ZNF423: variants seen among roughly 807,000 people sequenced by gnomAD.
The protein encoded by ZNF423 is Ebf-associated zinc finger protein.
A neutral mutation model predicts 95.8 loss-of-function variants in ZNF423; 12 were observed. That is an observed-to-expected ratio of 0.13 (90% CI 0.08 to 0.20). ZNF423 has a LOEUF of 0.20. Among genes scored for constraint, ZNF423 ranks in the 10% least tolerant of loss-of-function variants. The probability of loss-of-function intolerance (pLI) is 1.00; values close to 1 mark genes in which losing one functional copy is unlikely to be tolerated. For synonymous variants in ZNF423, 749 were observed against 711.9 expected (o/e 1.05, Z -0.83); for missense variants, 1,316 against 1,737.1 (o/e 0.76, Z 4.31).
rs141444849 is a variant in ZNF423 at position 49,669,999 on chromosome 16, G to A, written c.302-31125C>T. On this transcript the variant is annotated intron_variant, in intron 3 of 7. Coordinates refer to ENST00000563137, the MANE Select transcript of ZNF423 (RefSeq NM_001379286.1). ...AACCAGGATAGGAAGGGGAGGAGAC[G>A]CCAAGGGCAAGCCCCATCTGTCCGT... Among the ~76,000 whole-genome samples, 346 of 152,326 alleles carry A rather than the reference G, an allele frequency of 2.3e-3. 4 individuals carry two copies. Among genetic ancestry groups the A allele is most frequent in the East Asian group, 1.4e-3 (7 of 5,178 alleles).
intron 1 of ZNF423, among the ~76,000 whole-genome samples, chr16:49,793,476 G>A (rs940857651): frequency 3.9e-5 from 6 of 152,222 alleles, no homozygotes; most frequent in African/African-American, 1.4e-4. Context: ...TCCTCCAGAC[G>A]TCCCTAGCTC....
intron 5 of ZNF423, among the ~76,000 whole-genome samples, chr16:49,620,913 C>T (rs1270892715): frequency 1.3e-5 from 2 of 152,194 alleles, no homozygotes; most frequent in Non-Finnish European, 2.9e-5. Flanking sequence ...AGTGTACATA[C>T]ATTATACATA....
chr16:49,608,372 C>T (rs1971609803), intron 5 of ZNF423, among the ~76,000 whole-genome samples: 1 of 152,186 alleles, frequency 6.6e-6, no homozygotes, highest in African/African-American at 2.4e-5. Context: ...AATTTCCACA[C>T]CCTGAGTCCT....
chr16:49,778,501 C>T (rs1195470866), intron 2 of ZNF423, among the ~76,000 whole-genome samples: 7 of 152,234 alleles, frequency 4.6e-5, no homozygotes, highest in Non-Finnish European at 1.0e-4. Flanking sequence ...AGGCCTCTAC[C>T]TTTCAGAGCA....
At chr16:49,639,074 G>A (rs1007324853) in intron 3 of ZNF423, among the ~76,000 whole-genome samples, 200 bp from the exon 4 acceptor site, 2 of 152,224 alleles carry the variant, frequency 1.3e-5, no homozygotes, top group African/African-American at 4.8e-5. Context: ...CAGAGGGGCG[G>A]CAGATAATGA....
chr16:49,731,946 T>C (rs1481870474), intron 2 of ZNF423, among the ~76,000 whole-genome samples: 4 of 152,316 alleles, frequency 2.6e-5, no homozygotes, highest in South Asian at 2.1e-4. Flanking sequence ...GTGGCTAATC[T>C]ATAGGGAAAA....
At chr16:49,653,099 G>A (rs982577449) in intron 3 of ZNF423, among the ~76,000 whole-genome samples, 12 of 152,054 alleles carry the variant, frequency 7.9e-5, no homozygotes, top group African/African-American at 2.2e-4. Context: ...TATTTAACGC[G>A]GCATTGGATT....
chr16:49,785,125 G>A (rs2034289703), intron 2 of ZNF423, among the ~76,000 whole-genome samples: 1 of 152,076 alleles, frequency 6.6e-6, no homozygotes, highest in South Asian at 2.1e-4. Flanking sequence ...CACCCAGGCT[G>A]GAGTGCAGTG....
At position 49,637,106 on chromosome 16, in the gene ZNF423, T is replaced by C. The variant is rs1293464785; in HGVS notation, c.2070A>G (p.Thr690=). 6.2e-7 allele frequency: 1 copy of C among 1,613,602 alleles called. No homozygotes were observed. Residue 690 remains threonine, a synonymous_variant, in exon 4 of 8, where the codon ACA becomes ACG. Transcript: ENST00000563137. The surrounding 1 kb of genome is among the most constrained non-coding windows in gnomAD (Gnocchi z 5.6). The part of the protein sequence containing the change: ...DSQESLLQHL[T]VHYMTTSTHY... ...GGGTCGACGTGGTCATGTAATGCACTGTCAGGTGCTGCAGGAGGGACTCCT... is the reference window on the plus strand; with the variant it reads ...GGGTCGACGTGGTCATGTAATGCACCGTCAGGTGCTGCAGGAGGGACTCCT...
intron 3 of ZNF423, among the ~76,000 whole-genome samples, chr16:49,677,241 G>A (rs944000460): frequency 6.5e-5 from 1 of 15,426 alleles, no homozygotes; most frequent in Non-Finnish European, 1.2e-4. Flanking sequence ...GAGAAGAGAA[G>A]AGAAGATAAG....
chr16:49,544,250 C>G (rs985886943), intron 5 of ZNF423, among the ~76,000 whole-genome samples: 3 of 152,164 alleles, frequency 2.0e-5, no homozygotes, highest in African/African-American at 7.2e-5. Flanking sequence ...GAGGCAATAG[C>G]AGGAAGGAGT....
intron 7 of ZNF423, among the ~76,000 whole-genome samples, chr16:49,493,227 G>T (rs1390626416): frequency 6.6e-6 from 1 of 152,102 alleles, no homozygotes; most frequent in East Asian, 1.9e-4. Flanking sequence ...TGCTGACTCA[G>T]TTCCCGCCTC....
chr16:49,658,380 C>T (rs1359332746), intron 3 of ZNF423, among the ~76,000 whole-genome samples: 1 of 152,244 alleles, frequency 6.6e-6, no homozygotes, highest in East Asian at 1.9e-4. Context: ...AGAGCATTTT[C>T]AAGGATGTGC....
intron 5 of ZNF423, among the ~76,000 whole-genome samples, chr16:49,596,136 A>C (rs1467695912): frequency 1.3e-5 from 2 of 152,230 alleles, no homozygotes; most frequent in African/African-American, 2.4e-5. Flanking sequence ...TTATCCAGGA[A>C]ATAGCTATGT....
intron 7 of ZNF423, among the ~76,000 whole-genome samples, chr16:49,505,889 T>C (rs1459291014): frequency 6.6e-6 from 1 of 152,168 alleles, no homozygotes; most frequent in African/African-American, 2.4e-5. Flanking sequence ...AGTGGGCACA[T>C]TGTCACTGCC....
chr16:49,802,599 G>T (rs1478315988), intron 1 of ZNF423, among the ~76,000 whole-genome samples: 1 of 152,204 alleles, frequency 6.6e-6, no homozygotes, highest in Non-Finnish European at 1.5e-5. Context: ...GAGGAGGAAG[G>T]AGAGAAGGGG....
intron 3 of ZNF423, among the ~76,000 whole-genome samples, chr16:49,667,665 T>G (rs544036962): frequency 6.6e-6 from 1 of 152,366 alleles, no homozygotes; most frequent in African/African-American, 2.4e-5. Context: ...GAGGATCCCT[T>G]GAGCCCAGGA....
At position 49,636,322 on chromosome 16, in the gene ZNF423, C is replaced by T. The variant is rs1246652964; in HGVS notation, c.2854G>A (p.Gly952Arg). 6.2e-7 allele frequency: 1 copy of T among 1,612,678 alleles called. No homozygotes were observed. The change falls in exon 4 of 8, where the codon GGG becomes AGG. Residue 952 changes from glycine to arginine, a missense_variant. This residue lies in a region of ZNF423 where 620 missense variants were observed against 775.6 expected (regional missense o/e 0.80). Transcript: ENST00000563137. This position sits in a 1 kb window ranked among gnomAD's most constrained non-coding sequence, Gnocchi z 8.6. ...TGCGTCTGCAGGTGCTCCCGTAGCCCGTTCTCCGAGAAGAAAGTCCGTGAA... is the reference window on the plus strand; with the variant it reads ...TGCGTCTGCAGGTGCTCCCGTAGCCTGTTCTCCGAGAAGAAAGTCCGTGAA... The part of the protein sequence containing the change: ...VCSRTFFSEN[G>R]LREHLQTHRG...
At chr16:49,547,419 C>T (rs545386393) in intron 5 of ZNF423, among the ~76,000 whole-genome samples, 31 of 152,188 alleles carry the variant, frequency 2.0e-4, no homozygotes, top group Non-Finnish European at 3.8e-4. Flanking sequence ...CCATAAGGCT[C>T]AGCAGAGCAC....
Sources: allele counts gnomAD v4.1 joint callset (sites outside exome capture counted in the v4.1 genomes callset), GRCh38; gene constraint gnomAD v4.1.1; regional missense constraint gnomAD v4.1.1; non-coding constraint Gnocchi (gnomAD v3.1); transcripts MANE v1.5; gene names NCBI Gene and HGNC (gene_info 2026-07-23, HGNC 2026-07-21).